Variants in NOX3 observed in about 807,000 individuals in gnomAD.
NOX3 encodes NADPH oxidase catalytic subunit-like 3.
A neutral mutation model predicts 76.7 loss-of-function variants in NOX3; 74 were observed. The ratio of observed to expected loss-of-function variants is 0.96; its 90% CI spans 0.80 to 1.17. The LOEUF (loss-of-function observed/expected upper bound fraction) is 1.17, where lower values mean the gene tolerates loss of function less well. Among genes scored for constraint, NOX3 ranks in the 50% most tolerant of loss-of-function variants. The pLI, the probability that NOX3 is intolerant of heterozygous loss-of-function variation, is 0.00. For missense variants in NOX3, 695 were observed against 703.3 expected, an observed-to-expected ratio of 0.99 and a Z score of 0.13; for synonymous variants, 263 against 261.1, an observed-to-expected ratio of 1.01 and a Z score of -0.07.
intron 4 of NOX3, among the ~76,000 whole-genome samples, chr6:155,445,970 A>ATGC (rs1777058640): frequency 5.5e-5 from 5 of 91,046 alleles, no homozygotes; most frequent in African/African-American, 2.3e-4. Flanking sequence ...TATATATATA[A>ATGC]TATATATATG....
chr6:155,436,642 T>A (rs1416764452), intron 6 of NOX3, 95 bp from the exon 7 acceptor site: 45 of 1,298,620 alleles, frequency 3.5e-5, no homozygotes, highest in Non-Finnish European at 4.8e-5. Context: ...TATCCTACAG[T>A]GAGCTCTGAA....
intron 4 of NOX3, among the ~76,000 whole-genome samples, chr6:155,448,255 A>G (rs4516954): frequency 0.31 from 47,372 of 151,990 alleles, 7,857 homozygotes; most frequent in Non-Finnish European, 0.37. Context: ...TTTATCATCT[A>G]AAAGGGATTT....
At chr6:155,414,665 T>C (rs750179898) in intron 10 of NOX3, among the ~76,000 whole-genome samples, 1 of 148,142 alleles carries the variant, frequency 6.8e-6, no homozygotes, top group South Asian at 2.2e-4. Context: ...TCTCTCTCTG[T>C]TGCCCAGGCT....
chr6:155,424,490 T>A (rs553803152), intron 9 of NOX3, among the ~76,000 whole-genome samples: 2 of 152,350 alleles, frequency 1.3e-5, no homozygotes, highest in African/African-American at 2.4e-5. Flanking sequence ...GGTTTCTGAG[T>A]TATTCATAAC....
In NOX3 at chr6:155,396,800, G is replaced by A. The variant is rs762496396; in HGVS notation, c.*27+9C>T. The A allele has an allele frequency of 1.3e-6, 2 of 1,586,910 alleles. No homozygotes were observed. The highest frequency in any genetic ancestry group is 1.1e-5 in the South Asian group (1 of 87,128). On this transcript the variant is annotated intron_variant, in intron 13 of 13. Coordinates refer to ENST00000159060, the MANE Select transcript of NOX3 (RefSeq NM_015718.3). Reference sequence around the variant, plus strand: ...CCAATCCCTGACCTGTATGATTGCAGCCACTTACACAATGCCTGGACTTGA... The same window carrying A: ...CCAATCCCTGACCTGTATGATTGCAACCACTTACACAATGCCTGGACTTGA...
chr6:155,396,811 A>C lies in NOX3; in HGVS notation c.*25T>G, dbSNP rs199634603. The C allele has an allele frequency of 4.9e-5, 78 of 1,597,966 alleles. No individual in the cohort carries two copies. The highest frequency in any genetic ancestry group is 3.4e-4 in the Middle Eastern group (2 of 5,960). Reference sequence around the variant, plus strand: ...CCTGTATGATTGCAGCCACTTACACAATGCCTGGACTTGACCTCCAAAGTC... The same window carrying C: ...CCTGTATGATTGCAGCCACTTACACCATGCCTGGACTTGACCTCCAAAGTC... On this transcript the variant is annotated splice_region_variant and 3_prime_UTR_variant, in exon 13 of 14. Transcript: ENST00000159060.
chr6:155,453,572 G>T (rs1582951027), intron 3 of NOX3, 84 bp from the exon 4 acceptor site: 1 of 1,084,148 alleles, frequency 9.2e-7, no homozygotes, highest in Non-Finnish European at 1.4e-6. Context: ...TAGGAATCAG[G>T]CTCTGCCTCT....
intron 10 of NOX3, among the ~76,000 whole-genome samples, chr6:155,415,010 A>C (rs775709878): frequency 1.7e-4 from 26 of 152,054 alleles, no homozygotes; most frequent in Non-Finnish European, 5.9e-5. Context: ...TTCTGTGTGC[A>C]TGTGGCCCGT....
chr6:155,436,511 A>G lies in NOX3; in HGVS notation c.705T>C (p.Ser235=), dbSNP rs1277921886. 1.9e-6 allele frequency: 3 copies of G among 1,614,174 alleles called. No homozygotes were observed. In the East Asian group the frequency reaches 6.7e-5, roughly 36 times the overall value. The change falls in exon 7 of 14, where the codon TCT becomes TCC. Residue 235 remains serine (S), a synonymous_variant. Transcript: ENST00000159060. ...CTCTACAGAAGGTGATGTTGTGCAG[A>G]GAGAGACTGTCTTGGGTTTGGCCTC... The part of the protein sequence containing the change: ...IVRGQTQDSL[S]LHNITFCRDR...
chr6:155,429,498 C>G (rs886686532), intron 8 of NOX3, among the ~76,000 whole-genome samples: 1 of 152,122 alleles, frequency 6.6e-6, no homozygotes, highest in Non-Finnish European at 1.5e-5. Flanking sequence ...GTGAATTAAC[C>G]CTCTTATTTC....
At chr6:155,404,912 A>G (rs1776424890) in intron 12 of NOX3, among the ~76,000 whole-genome samples, 1 of 152,128 alleles carries the variant, frequency 6.6e-6, no homozygotes, top group South Asian at 2.1e-4. Flanking sequence ...CTCCCTCCTC[A>G]TTAACCTCCT....
intron 5 of NOX3, 51 bp from the exon 6 acceptor site, chr6:155,440,188 T>G: frequency 7.1e-7 from 1 of 1,399,716 alleles, no homozygotes; most frequent in Non-Finnish European, 9.6e-7. Context: ...AAAAACACCT[T>G]GACATTAAAT....
chr6:155,430,088 T>C (rs1776812223), intron 8 of NOX3, among the ~76,000 whole-genome samples: 1 of 152,168 alleles, frequency 6.6e-6, no homozygotes, highest in South Asian at 2.1e-4. Context: ...AGATACAGGA[T>C]TCTGTTAAAA....
intron 6 of NOX3, among the ~76,000 whole-genome samples, chr6:155,437,107 T>C (rs1021047589): frequency 1.3e-5 from 2 of 152,180 alleles, no homozygotes; most frequent in African/African-American, 4.8e-5. Context: ...AAGACGGTAT[T>C]GATACATTTA....
In NOX3 at chr6:155,423,983, C is replaced by T. The variant is rs139402436; in HGVS notation, c.1146-1127G>A. Among the ~76,000 whole-genome samples the T allele has an allele frequency of 2.0e-3, 303 of 152,132 alleles. 1 individual carries two copies. Among genetic ancestry groups the T allele is most frequent in the African/African-American group, 6.9e-3 (286 of 41,512 alleles). ...GTCTTGATCTCTTGACCTCATGATC[C>T]GCTCACCTCGGCCTCCCAAAGTGCT... On this transcript the variant is annotated intron_variant, in intron 9 of 13. Transcript: ENST00000159060.
At chr6:155,411,131 T>A in intron 11 of NOX3, 83 bp downstream of exon 11, 1 of 1,186,922 alleles carries the variant, frequency 8.4e-7, no homozygotes. Flanking sequence ...ATCAGAGTGC[T>A]ACATAGCTCA....
chr6:155,453,661 GC>G (rs899389598), intron 3 of NOX3, among the ~76,000 whole-genome samples, 173 bp from the exon 4 acceptor site: 12 of 152,116 alleles, frequency 7.9e-5, no homozygotes, highest in African/African-American at 2.9e-4. Flanking sequence ...GTTATTAGTT[GC>G]TTTGCTGAAC....
intron 8 of NOX3, 74 bp from the exon 9 acceptor site, chr6:155,429,121 T>A: frequency 7.2e-7 from 1 of 1,394,342 alleles, no homozygotes; most frequent in Non-Finnish European, 9.5e-7. Flanking sequence ...CCATCAAAGG[T>A]GTTGAAAATT....
intron 4 of NOX3, among the ~76,000 whole-genome samples, chr6:155,451,693 T>A: frequency 6.6e-6 from 1 of 152,040 alleles, no homozygotes; most frequent in East Asian, 1.9e-4. Context: ...GGCACAATTT[T>A]AGCTCCCTGC....
Sources: allele counts gnomAD v4.1 joint callset (sites outside exome capture counted in the v4.1 genomes callset), GRCh38; gene constraint gnomAD v4.1.1; transcripts MANE v1.5; gene names NCBI Gene and HGNC (gene_info 2026-07-23, HGNC 2026-07-21).